GALNT16: variants seen among roughly 807,000 people sequenced by gnomAD.
GALNT16 encodes the protein UDP-GalNAc:polypeptide N-acetylgalactosaminyltransferase-like protein 1.
A neutral mutation model predicts 76.1 loss-of-function variants in GALNT16; 40 were observed. The ratio of observed to expected loss-of-function variants is 0.53; its 90% confidence interval spans 0.41 to 0.68. The LOEUF is 0.68. Ranked by LOEUF, GALNT16 falls within the 30% of genes least tolerant of loss-of-function variation. GALNT16 has a pLI of 0.00. For synonymous variants in GALNT16, 276 were observed against 285.2 expected (o/e 0.97, Z 0.32); for missense variants, 621 against 731.9 (o/e 0.85, Z 1.75).
chr14:69,347,304 C>T lies in GALNT16; in HGVS notation c.1413+123C>T, dbSNP rs540351139. 23 of 1,017,524 alleles carry T rather than the reference C, an allele frequency of 2.3e-5. 1 individual carries two copies. The East Asian group carries it at 5.7e-4, about 25-fold the overall frequency. The allele number at this position is 1,017,524 out of a possible 1,614,324, so 63.0% of individuals were successfully genotyped here. A position where few individuals can be genotyped will look rare whatever the true frequency, so the allele number is the denominator to read the frequency against. On this transcript the variant is annotated intron_variant, in intron 13 of 14. Transcript: ENST00000448469. ...TACATCTTACACAAACCCACTTTGCCAGGGGCCCCTAGACCCTGCTCCTAC... is the reference window on the plus strand; with the variant it reads ...TACATCTTACACAAACCCACTTTGCTAGGGGCCCCTAGACCCTGCTCCTAC...
intron 1 of GALNT16, among the ~76,000 whole-genome samples, chr14:69,288,501 C>A (rs2044646516): frequency 6.6e-6 from 1 of 152,216 alleles, no homozygotes; most frequent in Non-Finnish European, 1.5e-5. Flanking sequence ...CCACCAGTAA[C>A]CCTGGCCCCT....
intron 1 of GALNT16, among the ~76,000 whole-genome samples, chr14:69,273,190 C>G (rs1259187427): frequency 6.6e-6 from 1 of 152,204 alleles, no homozygotes; most frequent in South Asian, 2.1e-4. Flanking sequence ...AGTGTCTTCT[C>G]TTTTAGAAAT....
intron 1 of GALNT16, among the ~76,000 whole-genome samples, chr14:69,290,386 A>G (rs2044674206): frequency 6.6e-6 from 1 of 152,216 alleles, no homozygotes; most frequent in Non-Finnish European, 1.5e-5. Flanking sequence ...AGCTGTCCCA[A>G]GACATCAGAA....
upstream of GALNT16, chr14:69,259,956 C>T (rs553631092): frequency 5.6e-4 from 112 of 200,724 alleles, 2 homozygotes; most frequent in African/African-American, 2.3e-3. Flanking sequence ...AGGCCCGCGC[C>T]GCTTCCCACT....
At chr14:69,330,403 C>G (rs2045338153) in intron 6 of GALNT16, among the ~76,000 whole-genome samples, 1 of 152,206 alleles carries the variant, frequency 6.6e-6, no homozygotes, top group Non-Finnish European at 1.5e-5. Flanking sequence ...GATTGGGTTT[C>G]TTGTCGGGGT....
chr14:69,325,474 C>T, intron 4 of GALNT16, 70 bp downstream of exon 4: 1 of 932,020 alleles, frequency 1.1e-6, no homozygotes, highest in Non-Finnish European at 1.8e-6. Flanking sequence ...AACACCAAGG[C>T]AAGCACCCTG....
chr14:69,260,001 T>G, upstream of GALNT16: 2 of 324,912 alleles, frequency 6.2e-6, no homozygotes, highest in Non-Finnish European at 1.1e-5. Flanking sequence ...AGTGGCCTGG[T>G]GGGTCAGCCG....
chr14:69,262,713 C>G (rs2044292200), intron 1 of GALNT16, among the ~76,000 whole-genome samples: 1 of 152,088 alleles, frequency 6.6e-6, no homozygotes, highest in Non-Finnish European at 1.5e-5. Context: ...GCACTGACCC[C>G]CCCGTCAGGC....
intron 1 of GALNT16, among the ~76,000 whole-genome samples, chr14:69,292,936 G>A (rs2044706909): frequency 6.6e-6 from 1 of 152,220 alleles, no homozygotes; most frequent in African/African-American, 2.4e-5. Flanking sequence ...TTAATGAACT[G>A]TAATGAGAAA....
At chr14:69,320,549 C>G (rs901048287) in intron 1 of GALNT16, among the ~76,000 whole-genome samples, 162 bp from the exon 2 acceptor site, 3 of 152,116 alleles carry the variant, frequency 2.0e-5, no homozygotes, top group Admixed American at 2.0e-4. Context: ...CCTCAGTTTT[C>G]TCTTCTGTAC....
At chr14:69,312,961 A>G (rs1274776056) in intron 1 of GALNT16, among the ~76,000 whole-genome samples, 7 of 152,228 alleles carry the variant, frequency 4.6e-5, no homozygotes, top group Non-Finnish European at 1.0e-4. Context: ...CTGTGGCCAG[A>G]CAGCCTCAAT....
At chr14:69,320,656 C>T (rs886409809) in intron 1 of GALNT16, 55 bp from the exon 2 acceptor site, 1 of 1,553,040 alleles carries the variant, frequency 6.4e-7, no homozygotes, top group Non-Finnish European at 8.8e-7. Flanking sequence ...GAGCACTCGC[C>T]AAGCAGTGGG....
rs779642732 is a variant in GALNT16 at position 69,334,234 on chromosome 14, TG to T, written c.967+639del. Among the ~76,000 whole-genome samples the T allele has an allele frequency of 3.3e-5, 5 of 151,970 alleles. No homozygotes were observed. The East Asian group carries it at 7.8e-4, about 24-fold the overall frequency. The stretch of plus-strand genomic sequence containing the variant: ...GAAGCAGCAGCGAAGGAGACAGAGG[TG>T]GGGGCAAAGTGTTCCAGTAGGGAGC... On this transcript the variant is annotated intron_variant, in intron 9 of 14. Coordinates refer to ENST00000448469, the MANE Select transcript of GALNT16 (RefSeq NM_001168368.2).
Position 69,325,373 on chromosome 14 carries a change from G to C in GALNT16, c.471G>C (p.Glu157Asp). 6.2e-7 allele frequency: 1 copy of C among 1,603,006 alleles called. No individual in the cohort carries two copies. Among genetic ancestry groups the C allele is most frequent in the Non-Finnish European group, 8.5e-7 (1 of 1,169,850 alleles). The change falls in exon 4 of 15, where the codon GAG becomes GAC. Residue 157 changes from glutamate (E) to aspartate (D), a missense_variant. Transcript: ENST00000448469. ...LNRTPANLIQ[E>D]IILVDDFSSD... ...GAACTCCTGCCAACTTGATCCAGGA[G>C]ATCATTTTAGTGGATGACTTCAGCT...
Position 69,341,862 on chromosome 14 carries a change from T to C in GALNT16, c.1271+98T>C, listed in dbSNP as rs2045491616. On this transcript the variant is annotated intron_variant, in intron 12 of 14. Coordinates refer to ENST00000448469, the MANE Select transcript of GALNT16 (RefSeq NM_001168368.2). ...CCCCACCCTTAGATCTCCTCAACAC[T>C]GGTGATCTGGCTTTCTAGCTGCCGG... is the stretch of plus-strand genomic sequence containing the variant. 5.5e-6 allele frequency: 4 copies of C among 732,244 alleles called. No individual in the cohort carries two copies. In the East Asian group the frequency reaches 8.1e-5, roughly 15 times the overall value. The allele number at this position is 732,244 out of a possible 1,614,324, so 45.4% of individuals were successfully genotyped here. A position where few individuals can be genotyped will look rare whatever the true frequency, so the allele number is the denominator to read the frequency against.
At chr14:69,316,939 CTG>C (rs1295219434) in intron 1 of GALNT16, among the ~76,000 whole-genome samples, 3 of 152,198 alleles carry the variant, frequency 2.0e-5, no homozygotes, top group Non-Finnish European at 4.4e-5. Context: ...TGAGTACCTA[CTG>C]TGTGCCAGGT....
intron 2 of GALNT16, among the ~76,000 whole-genome samples, chr14:69,324,307 C>G (rs1462056636): frequency 6.6e-6 from 1 of 152,120 alleles, no homozygotes; most frequent in Admixed American, 6.5e-5. Flanking sequence ...TCAGGACAAA[C>G]AGAGGTAGTT....
intron 2 of GALNT16, among the ~76,000 whole-genome samples, chr14:69,324,396 T>C (rs1147466): frequency 0.65 from 98,664 of 151,344 alleles, 32,588 homozygotes; most frequent in East Asian, 0.9. Context: ...AGTATCTGTA[T>C]ATACTAGGGA....
chr14:69,301,913 C>T (rs1420388747), intron 1 of GALNT16, among the ~76,000 whole-genome samples: 1 of 152,094 alleles, frequency 6.6e-6, no homozygotes, highest in Non-Finnish European at 1.5e-5. Flanking sequence ...TCGCTTGAAC[C>T]CAGGAGGCGG....
Sources: allele counts gnomAD v4.1 joint callset (sites outside exome capture counted in the v4.1 genomes callset), GRCh38; gene constraint gnomAD v4.1.1; transcripts MANE v1.5; gene names NCBI Gene and HGNC (gene_info 2026-07-23, HGNC 2026-07-21).